Variants in STRBP observed in about 807,000 individuals in gnomAD.
STRBP encodes spermatid perinuclear RNA binding protein.
A neutral mutation model predicts 80.1 loss-of-function variants in STRBP; 13 were observed. The ratio of observed to expected loss-of-function variants is 0.16; its 90% CI spans 0.11 to 0.26. The LOEUF is 0.26. Ranked by LOEUF, STRBP falls within the 10% of genes least tolerant of loss-of-function variation. The probability of loss-of-function intolerance (pLI) is 1.00; values close to 1 mark genes in which losing one functional copy is unlikely to be tolerated. For missense variants in STRBP, 485 were observed against 815.2 expected (o/e 0.59, Z 4.93); for synonymous variants, 284 against 291.2 (o/e 0.98, Z 0.25).
chr9:123,175,171 C>G (rs2038167780), intron 4 of STRBP, among the ~76,000 whole-genome samples: 1 of 152,150 alleles, frequency 6.6e-6, no homozygotes, highest in Non-Finnish European at 1.5e-5. Context: ...AGTAAAATGG[C>G]AAAGCCTAAA....
At chr9:123,241,464 G>A (rs1225513939) in intron 1 of STRBP, among the ~76,000 whole-genome samples, 7 of 151,806 alleles carry the variant, frequency 4.6e-5, no homozygotes, top group South Asian at 2.1e-4. Flanking sequence ...AGCCGTGATC[G>A]TGCCACTGCA....
chr9:123,182,905 T>C (rs2038540299), intron 3 of STRBP, among the ~76,000 whole-genome samples: 1 of 150,932 alleles, frequency 6.6e-6, no homozygotes, highest in South Asian at 2.1e-4. Flanking sequence ...CCAAGCTACT[T>C]GGGAGGCTTG....
rs142243924 is a variant in STRBP, at chr9:123,264,964, C to T, written c.-302+3472G>A. ...AAAGCTCACTCTATTCATCTTATAT[C>T]CTACTGCTCAAATTCTCTGCCAAAA... On this transcript the variant is annotated intron_variant, in intron 1 of 18. Transcript: ENST00000348403. 5.9e-5 allele frequency among the ~76,000 whole-genome samples: 9 copies of T among 152,266 alleles called. No individual in the cohort carries two copies. In the East Asian group the frequency reaches 1.7e-3, roughly 29 times the overall value.
At chr9:123,210,761 G>A (rs919966215) in intron 2 of STRBP, among the ~76,000 whole-genome samples, 11 of 151,982 alleles carry the variant, frequency 7.2e-5, no homozygotes, top group Admixed American at 6.6e-4. Flanking sequence ...CCTGGGAGAC[G>A]GAGGCTGCAG....
intron 14 of STRBP, among the ~76,000 whole-genome samples, chr9:123,137,622 G>A (rs2036414718): frequency 1.3e-5 from 2 of 152,252 alleles, no homozygotes; most frequent in Non-Finnish European, 2.9e-5. Context: ...TGGCCAGGGT[G>A]CACTCAAACT....
At chr9:123,253,122 T>C (rs1217935134) in intron 1 of STRBP, among the ~76,000 whole-genome samples, 1 of 152,152 alleles carries the variant, frequency 6.6e-6, no homozygotes, top group Non-Finnish European at 1.5e-5. Flanking sequence ...GTTCCAATAC[T>C]GCTCAGACTA....
At chr9:123,121,363 A>G (rs1279304895), downstream of STRBP, 1 of 152,228 alleles carries the variant, frequency 6.6e-6, no homozygotes, top group Admixed American at 6.5e-5. Flanking sequence ...ACACACCTAA[A>G]TGAAGCAAAT....
chr9:123,254,175 A>G (rs1197208800), intron 1 of STRBP, among the ~76,000 whole-genome samples: 1 of 152,194 alleles, frequency 6.6e-6, no homozygotes, highest in South Asian at 2.1e-4. Flanking sequence ...TTCCTGGTAC[A>G]CATTTCTAAA....
chr9:123,252,339 T>C (rs544666962), intron 1 of STRBP, among the ~76,000 whole-genome samples: 107 of 152,310 alleles, frequency 7.0e-4, no homozygotes, highest in Non-Finnish European at 1.3e-3. Flanking sequence ...CCTCTAACGC[T>C]ACAGAGCTGT....
In STRBP at chr9:123,115,160, G is replaced by A. The variant is rs976807248; in HGVS notation, c.*84+769C>T. On this transcript the variant is annotated intron_variant and NMD_transcript_variant, in intron 3 of 3. Transcript: ENST00000471564. This position sits in a 1 kb window ranked among gnomAD's most constrained non-coding sequence, Gnocchi z 5.0. Reference sequence around the variant, plus strand: ...CACTTGACTCTGCTCATCCTCTCGGGTCCCACAGCAAGGCCCTTCACACTC... The same window carrying A: ...CACTTGACTCTGCTCATCCTCTCGGATCCCACAGCAAGGCCCTTCACACTC... 4.3e-6 allele frequency: 2 copies of A among 465,840 alleles called. No individual in the cohort carries two copies. Among genetic ancestry groups the A allele is most frequent in the Non-Finnish European group, 9.0e-6 (2 of 223,352 alleles). The allele number at this position is 465,840 out of a possible 1,614,324, so 28.9% of individuals were successfully genotyped here. A position where few individuals can be genotyped will look rare whatever the true frequency, so the allele number is the denominator to read the frequency against.
intron 1 of STRBP, among the ~76,000 whole-genome samples, chr9:123,257,757 C>T (rs1455119846): frequency 6.6e-6 from 1 of 152,018 alleles, no homozygotes; most frequent in Non-Finnish European, 1.5e-5. Context: ...GTTGAGGCTG[C>T]AGTGAGCCGT....
intron 2 of STRBP, among the ~76,000 whole-genome samples, chr9:123,197,667 C>CTTTTTTTTTTTTTTTTTTTTTT: frequency 1.1e-5 from 1 of 87,364 alleles, no homozygotes; most frequent in Non-Finnish European, 2.0e-5. Flanking sequence ...AAACATATTT[C>CTTTTTTTTTTTTTTTTTTTTTT]TTTTTTTTTT....
At chr9:123,140,115 A>G (rs1447372960) in intron 13 of STRBP, among the ~76,000 whole-genome samples, 2 of 152,218 alleles carry the variant, frequency 1.3e-5, no homozygotes, top group African/African-American at 4.8e-5. Flanking sequence ...TCAATTTTCC[A>G]ATCTACAAAA....
At chr9:123,248,831 T>A (rs1233568283) in intron 1 of STRBP, among the ~76,000 whole-genome samples, 1 of 152,226 alleles carries the variant, frequency 6.6e-6, no homozygotes, top group East Asian at 1.9e-4. Flanking sequence ...GCATTAGTCA[T>A]CTTTTTACAA....
chr9:123,177,905 G>T (rs1199428998), intron 4 of STRBP, among the ~76,000 whole-genome samples: 1 of 152,182 alleles, frequency 6.6e-6, no homozygotes, highest in African/African-American at 2.4e-5. Flanking sequence ...GATACATATA[G>T]AACTAAATAA....
chr9:123,128,000 C>T (rs2035965632), intron 18 of STRBP, among the ~76,000 whole-genome samples: 2 of 152,174 alleles, frequency 1.3e-5, no homozygotes, highest in South Asian at 4.1e-4. Context: ...TTAGAACAAG[C>T]AGTCCTTCAA....
rs2132277308 is a variant in STRBP at position 123,115,113 on chromosome 9, G to A, written c.*84+816C>T. On this transcript the variant is annotated intron_variant and NMD_transcript_variant, in intron 3 of 3. Coordinates refer to the STRBP transcript ENST00000471564. The surrounding 1 kb of genome is among the most constrained non-coding windows in gnomAD (Gnocchi z 5.0). ...ACCCAGGGCCTTTTAAGAAGTGACT[G>A]CAGACTGTGTGTCCCACCTGCCACT... 2 of 433,198 alleles carry A rather than the reference G, an allele frequency of 4.6e-6. No individual in the cohort carries two copies. The highest frequency in any genetic ancestry group is 3.5e-5 in the South Asian group (2 of 57,478). The allele number at this position is 433,198 out of a possible 1,614,324, so 26.8% of individuals were successfully genotyped here.
At chr9:123,152,817 G>A (rs188819885) in intron 11 of STRBP, among the ~76,000 whole-genome samples, 136 of 152,172 alleles carry the variant, frequency 8.9e-4, no homozygotes, top group African/African-American at 2.9e-3. Context: ...GATTGTGGAG[G>A]TGGCTACAGA....
Position 123,115,844 on chromosome 9 carries a change from C to G in STRBP, c.*84+85G>C. On this transcript the variant is annotated intron_variant and NMD_transcript_variant, in intron 3 of 3. Transcript: ENST00000471564. The surrounding 1 kb of genome is among the most constrained non-coding windows in gnomAD (Gnocchi z 5.0). Reference sequence around the variant, plus strand: ...TGTCATCGCGGGAGGTGTATTTTAGCTCAAATTGCCCCACTGGCTTCCCAT... The same window carrying G: ...TGTCATCGCGGGAGGTGTATTTTAGGTCAAATTGCCCCACTGGCTTCCCAT... 5.6e-6 allele frequency: 2 copies of G among 359,116 alleles called. No homozygotes were observed. Among genetic ancestry groups the G allele is most frequent in the South Asian group, 4.3e-5 (2 of 46,598 alleles). The allele number at this position is 359,116 out of a possible 1,614,324, so 22.2% of individuals were successfully genotyped here. A position where few individuals can be genotyped will look rare whatever the true frequency, so the allele number is the denominator to read the frequency against.
Sources: gnomAD v4.1 joint callset for allele counts (sites outside exome capture counted in the v4.1 genomes callset) on GRCh38, gnomAD v4.1.1 for gene constraint, Gnocchi (gnomAD v3.1) non-coding constraint, MANE v1.5 for transcripts, NCBI Gene and HGNC (gene_info 2026-07-23, HGNC 2026-07-21) for gene names.